ZFYVE28: variants seen among roughly 807,000 people sequenced by gnomAD.
The protein encoded by ZFYVE28 is lateral signaling target protein 2 homolog.
In ZFYVE28, 40 loss-of-function variants were observed where a neutral mutation model predicts 82.1. The ratio of observed to expected loss-of-function variants is 0.49; its 90% confidence interval spans 0.38 to 0.63. ZFYVE28 has a LOEUF of 0.63. ZFYVE28 is among the 30% of genes least tolerant of loss of function. The pLI, the probability that ZFYVE28 is intolerant of heterozygous loss-of-function variation, is 0.00. For synonymous variants in ZFYVE28, 612 were observed against 546.1 expected, an observed-to-expected ratio of 1.12 and a Z score of -1.68; for missense variants, 1,321 against 1,242.1, an observed-to-expected ratio of 1.06 and a Z score of -0.96.
intron 7 of ZFYVE28, among the ~76,000 whole-genome samples, chr4:2,313,741 C>T (rs947640277): frequency 6.6e-6 from 1 of 151,728 alleles, no homozygotes; most frequent in Non-Finnish European, 1.5e-5. Context: ...GTGGCACGTG[C>T]CTGTAATCAG....
At position 2,320,397 on chromosome 4, in the gene ZFYVE28, G is replaced by A. The variant is rs565938613; in HGVS notation, c.702-126C>T. 3.8e-5 allele frequency: 26 copies of A among 693,148 alleles called. No homozygotes were observed. The highest frequency in any genetic ancestry group is 8.0e-5 in the South Asian group (4 of 50,058). The allele number at this position is 693,148 out of a possible 1,614,324, so 42.9% of individuals were successfully genotyped here. ...CTCTGCAGCGCCACTGTCCCAGCAC[G>A]GCCGCCGCCTCATGCTTTGCCTTGT... On this transcript the variant is annotated intron_variant, in intron 6 of 12. Coordinates refer to ENST00000290974, the MANE Select transcript of ZFYVE28 (RefSeq NM_020972.3). The surrounding 1 kb of genome is among the most constrained non-coding windows in gnomAD (Gnocchi z 5.1).
In ZFYVE28 at chr4:2,366,905, G is replaced by A. The variant is rs544631432; in HGVS notation, c.40-12832C>T. On this transcript the variant is annotated intron_variant, in intron 1 of 12. Transcript: ENST00000290974. ...CCAGGTGATAATGCTGGCCTTGACC[G>A]TGGCATTTGTTCTGCAAGCCAAGCC... is the stretch of plus-strand genomic sequence containing the variant. Among the ~76,000 whole-genome samples the A allele has an allele frequency of 6.6e-5, 10 of 152,368 alleles. No individual in the cohort carries two copies. In the South Asian group the frequency reaches 8.3e-4, roughly 13 times the overall value.
intron 8 of ZFYVE28, among the ~76,000 whole-genome samples, chr4:2,294,776 G>A (rs1295504996): frequency 2.0e-5 from 3 of 152,180 alleles, no homozygotes; most frequent in African/African-American, 7.2e-5. Context: ...AGCAAAAGAT[G>A]TCAACAGACG....
chr4:2,300,261 C>G lies in ZFYVE28; in HGVS notation c.2051+4028G>C, dbSNP rs1715309792. Among the ~76,000 whole-genome samples the G allele has an allele frequency of 6.6e-6, 1 of 152,180 alleles. No individual in the cohort carries two copies. Among genetic ancestry groups the G allele is most frequent in the Non-Finnish European group, 1.5e-5 (1 of 68,040 alleles). On this transcript the variant is annotated intron_variant, in intron 8 of 12. Transcript: ENST00000290974. The surrounding 1 kb of genome is among the most constrained non-coding windows in gnomAD (Gnocchi z 4.6). ...CCAGCCTGAGTGGACTTTCTGTCAT[C>G]TAGACAAGTAACTTCCAAGGGTGAC...
chr4:2,345,636 A>C (rs1198479076), intron 2 of ZFYVE28, among the ~76,000 whole-genome samples: 9 of 151,786 alleles, frequency 5.9e-5, no homozygotes, highest in Admixed American at 2.0e-4. Flanking sequence ...TATTTGGAGG[A>C]ATAATGGCCA....
chr4:2,380,872 T>C (rs1490485611), intron 1 of ZFYVE28, among the ~76,000 whole-genome samples: 3 of 152,250 alleles, frequency 2.0e-5, no homozygotes, highest in African/African-American at 7.2e-5. Flanking sequence ...AAACCTCTTT[T>C]TCATCCCAGT....
rs1158598105 is a variant in ZFYVE28 at position 2,274,192 on chromosome 4, G to A, written c.2076C>T (p.Ser692=). The A allele has an allele frequency of 1.2e-6, 2 of 1,613,640 alleles. No individual in the cohort carries two copies. The highest frequency in any genetic ancestry group is 1.7e-6 in the Non-Finnish European group (2 of 1,179,946). The part of the protein sequence containing the change: ...GSSSSTAGSC[S]SDKMGPEAAP... ...CCGCCTCTGGCCCCATCTTGTCTGA[G>A]GAGCAGGACCCAGCTGTGGAGCTGC... The change falls in exon 9 of 13, where the codon TCC becomes TCT. Residue 692 remains serine (S), a synonymous_variant. Coordinates refer to ENST00000290974, the MANE Select transcript of ZFYVE28 (RefSeq NM_020972.3).
intron 8 of ZFYVE28, among the ~76,000 whole-genome samples, chr4:2,281,627 C>G (rs1163154876): frequency 6.6e-6 from 1 of 152,232 alleles, no homozygotes; most frequent in Non-Finnish European, 1.5e-5. Flanking sequence ...TTCATGACCT[C>G]ATCACCTCTT....
At chr4:2,363,885 G>A (rs2108896328) in intron 1 of ZFYVE28, among the ~76,000 whole-genome samples, 1 of 152,302 alleles carries the variant, frequency 6.6e-6, no homozygotes, top group East Asian at 1.9e-4. Flanking sequence ...GCTCAGAGAG[G>A]TTCACAAATC....
chr4:2,278,763 A>G (rs1711523840), intron 8 of ZFYVE28, among the ~76,000 whole-genome samples: 1 of 151,660 alleles, frequency 6.6e-6, no homozygotes, highest in South Asian at 2.1e-4. Context: ...CAAAAAAAAA[A>G]ACACTACTGA....
In ZFYVE28 at chr4:2,337,355, G is replaced by C. The variant is rs146377146; in HGVS notation, c.611+52C>G. Reference sequence around the variant, plus strand: ...GCCCTCTGCCCCGGGCCTGGAGTGAGGCAGGGACTCCCCAGATGCTGCCCC... The same window carrying C: ...GCCCTCTGCCCCGGGCCTGGAGTGACGCAGGGACTCCCCAGATGCTGCCCC... On this transcript the variant is annotated intron_variant, in intron 5 of 12. Coordinates refer to ENST00000290974, the MANE Select transcript of ZFYVE28 (RefSeq NM_020972.3). 2,374 of 1,514,810 alleles carry C rather than the reference G, an allele frequency of 1.6e-3. 25 individuals carry two copies. In the African/African-American group the frequency reaches 0.024, roughly 16 times the overall value. 93.8% of individuals were successfully genotyped at this position (1,514,810 alleles called of 1,614,324 possible).
chr4:2,277,887 G>T (rs566843953), intron 8 of ZFYVE28, among the ~76,000 whole-genome samples: 1 of 151,746 alleles, frequency 6.6e-6, no homozygotes, highest in African/African-American at 2.4e-5. Context: ...ATAGCCAAAA[G>T]AAAAAAAACA....
At chr4:2,352,239 G>A (rs1045723086) in intron 2 of ZFYVE28, among the ~76,000 whole-genome samples, 1 of 152,158 alleles carries the variant, frequency 6.6e-6, no homozygotes, top group Non-Finnish European at 1.5e-5. Flanking sequence ...GAACACCGGG[G>A]AGCACACCTG....
chr4:2,291,948 T>C (rs1713777652), intron 8 of ZFYVE28, among the ~76,000 whole-genome samples: 1 of 152,022 alleles, frequency 6.6e-6, no homozygotes, highest in South Asian at 2.1e-4. Context: ...GAGTCAGGGA[T>C]GTGAGTGTCT....
chr4:2,406,093 C>T (rs1293375030), intron 1 of ZFYVE28, among the ~76,000 whole-genome samples: 2 of 135,018 alleles, frequency 1.5e-5, no homozygotes, highest in East Asian at 2.2e-4. Flanking sequence ...GAAAATTAGC[C>T]GGGCATGGTG....
At chr4:2,274,322 A>AC in intron 8 of ZFYVE28, 106 bp from the exon 9 acceptor site, 1 of 1,363,954 alleles carries the variant, frequency 7.3e-7, no homozygotes, top group South Asian at 1.4e-5. Context: ...GCAGACGCTC[A>AC]CCCCACAGGC....
chr4:2,274,318 G>A (rs1160287525), intron 8 of ZFYVE28, 102 bp from the exon 9 acceptor site: 4 of 1,413,564 alleles, frequency 2.8e-6, no homozygotes, highest in African/African-American at 1.4e-5. Context: ...CCTCGCAGAC[G>A]CTCACCCCAC....
chr4:2,310,025 A>G (rs1717249053), intron 7 of ZFYVE28, among the ~76,000 whole-genome samples: 1 of 152,116 alleles, frequency 6.6e-6, no homozygotes, highest in East Asian at 1.9e-4. Flanking sequence ...AGTCTTGCAT[A>G]TCTGGAATAC....
intron 2 of ZFYVE28, among the ~76,000 whole-genome samples, chr4:2,348,343 T>C (rs558629741): frequency 1.3e-5 from 2 of 152,128 alleles, no homozygotes; most frequent in Non-Finnish European, 2.9e-5. Context: ...AAACTCCAGT[T>C]CCAGATAGAT....
Sources: gnomAD v4.1 joint callset for allele counts (sites outside exome capture counted in the v4.1 genomes callset) on GRCh38, gnomAD v4.1.1 for gene constraint, Gnocchi (gnomAD v3.1) non-coding constraint, MANE v1.5 for transcripts, NCBI Gene and HGNC (gene_info 2026-07-23, HGNC 2026-07-21) for gene names.